TMEM131: variants seen among roughly 807,000 people sequenced by gnomAD.
TMEM131 encodes the protein 2610524E03Rik.
Under a neutral mutation model 211.6 loss-of-function variants are expected in TMEM131, and 66 were observed. The observed-to-expected ratio is 0.31, with a 90% confidence interval of 0.26 to 0.38. The LOEUF (loss-of-function observed/expected upper bound fraction) is 0.38, where lower values mean the gene tolerates loss of function less well. TMEM131 is among the 10% of genes least tolerant of loss of function. The pLI is 1.00. For synonymous variants in TMEM131, 844 were observed against 841.3 expected (o/e 1.00, Z -0.06); for missense variants, 2,036 against 2,299.3 (o/e 0.89, Z 2.34).
intron 19 of TMEM131, among the ~76,000 whole-genome samples, chr2:97,805,996 C>G (rs1681278860): frequency 6.6e-6 from 1 of 152,060 alleles, no homozygotes; most frequent in Non-Finnish European, 1.5e-5. Context: ...ACTGAGGATG[C>G]CAACAAAGGT....
chr2:97,768,654 G>T (rs568240118), intron 33 of TMEM131, among the ~76,000 whole-genome samples: 3 of 151,938 alleles, frequency 2.0e-5, no homozygotes, highest in African/African-American at 7.3e-5. Flanking sequence ...GCAGTGGCAC[G>T]ATCTTGGCTC....
At chr2:97,815,822 A>G (rs949067188) in intron 12 of TMEM131, among the ~76,000 whole-genome samples, 9 of 152,148 alleles carry the variant, frequency 5.9e-5, no homozygotes, top group African/African-American at 1.9e-4. Flanking sequence ...AGCCCTGCTG[A>G]TTTACACTTG....
At chr2:97,777,044 C>G (rs894446931) in intron 31 of TMEM131, among the ~76,000 whole-genome samples, 1 of 152,184 alleles carries the variant, frequency 6.6e-6, no homozygotes, top group African/African-American at 2.4e-5. Flanking sequence ...GAACCAGCCC[C>G]GAACATATTT....
rs1448733378 is a variant in TMEM131, at chr2:97,792,793, C to T, written c.3737G>A (p.Arg1246Lys). The T allele has an allele frequency of 6.2e-7, 1 of 1,613,994 alleles. No homozygotes were observed. The highest frequency in any genetic ancestry group is 1.7e-5 in the Admixed American group (1 of 60,028). ...TGAAGAAGCTGCTTGAGCAGAAGTC[C>T]TACTAGAGGTACTTGAACTGTTTTT... ...RAKNSSSTSS[R>K]TSAQAASSQS... is the part of the protein sequence containing the mutation. Residue 1246 changes from arginine to lysine, a missense_variant, in exon 31 of 41, where the codon AGG becomes AAG. Physicochemically the swap from Arg to Lys is conservative, Grantham distance 26 (BLOSUM62 2). Coordinates refer to ENST00000186436, the MANE Select transcript of TMEM131 (RefSeq NM_015348.2).
intron 34 of TMEM131, 91 bp downstream of exon 34, chr2:97,766,387 G>C: frequency 6.2e-7 from 1 of 1,600,350 alleles, no homozygotes; most frequent in Non-Finnish European, 8.5e-7. Context: ...AATAACTACT[G>C]ACTGCTTACT....
chr2:97,928,804 G>A (rs946481545), intron 1 of TMEM131, among the ~76,000 whole-genome samples: 2 of 151,788 alleles, frequency 1.3e-5, no homozygotes, highest in South Asian at 2.1e-4. Flanking sequence ...ACTGTTGGAA[G>A]AGCAATTTAT....
At chr2:97,928,252 A>G (rs1048326948) in intron 1 of TMEM131, among the ~76,000 whole-genome samples, 11 of 152,340 alleles carry the variant, frequency 7.2e-5, no homozygotes, top group African/African-American at 2.6e-4. Context: ...GTATGCTTCC[A>G]AGTACATGAC....
intron 18 of TMEM131, 107 bp downstream of exon 18, chr2:97,811,021 G>A (rs982426304): frequency 6.2e-6 from 5 of 807,948 alleles, no homozygotes; most frequent in Middle Eastern, 2.3e-4. Flanking sequence ...TATGAAACTG[G>A]TAAACTGTAA....
In TMEM131 at chr2:97,792,461, C is replaced by G. The variant is rs201940321; in HGVS notation, c.4069G>C (p.Asp1357His). 4.1e-4 allele frequency: 663 copies of G among 1,613,422 alleles called. No homozygotes were observed. Among genetic ancestry groups the G allele is most frequent in the Non-Finnish European group, 5.0e-4 (586 of 1,179,748 alleles). Residue 1357 changes from aspartate (D) to histidine (H), a missense_variant, in exon 31 of 41, where the codon GAC (aspartate) becomes CAC (histidine). By Grantham distance (81) the Asp-to-His change is moderately conservative (BLOSUM62 -1). Transcript: ENST00000186436. ...GCTGGGGAGTCATGGTGGTCGAAGT[C>G]TTTGTCCATGGCTTCTATGAGACTG... Reference protein sequence around the residue: ...ITSLIEAMDKDFDHHDSPALE... With the variant: ...ITSLIEAMDKHFDHHDSPALE...
chr2:97,941,664 G>A lies in TMEM131; in HGVS notation c.188-14177C>T, dbSNP rs556309464. 9.2e-5 allele frequency among the ~76,000 whole-genome samples: 14 copies of A among 152,316 alleles called. No individual in the cohort carries two copies. The South Asian group carries it at 2.5e-3, about 27-fold the overall frequency. ...ACAACCCCATCAAAAAGTGGGCGAA[G>A]GATATGAACAGGCACTTCTCAAAAG... On this transcript the variant is annotated intron_variant, in intron 1 of 40. Transcript: ENST00000186436.
At position 97,995,769 on chromosome 2, in the gene TMEM131, C is replaced by G. The variant is rs1680485340; in HGVS notation, c.-107G>C. ...CGGGCTCTGGCCGCGGCGCCGGGAG[C>G]GACAACGGTTGCGAGCCCGGGGCTC... On this transcript the variant is annotated 5_prime_UTR_variant, in exon 1 of 41. Transcript: ENST00000186436. 2 of 875,430 alleles carry G rather than the reference C, an allele frequency of 2.3e-6. No homozygotes were observed. The highest frequency in any genetic ancestry group is 2.9e-6 in the Non-Finnish European group (2 of 695,554). The allele number at this position is 875,430 out of a possible 1,614,324, so 54.2% of individuals were successfully genotyped here.
rs746270505 is a variant in TMEM131, at chr2:97,760,598, T to A, written c.5103A>T (p.Ser1701=). 2 of 1,610,202 alleles carry A rather than the reference T, an allele frequency of 1.2e-6. No individual in the cohort carries two copies. Among genetic ancestry groups the A allele is most frequent in the African/African-American group, 2.7e-5 (2 of 74,886 alleles). ...ISHAPVDSDG[S]DSSGLWSPVS... ...TTAGTGGTGGTCTACCGTACCTGTC[T>A]GAGCCATCGCTGTCAACAGGAGCGT... The change falls in exon 38 of 41, where the codon TCA becomes TCT. Residue 1701 remains serine (S), a synonymous_variant. Coordinates refer to ENST00000186436, the MANE Select transcript of TMEM131 (RefSeq NM_015348.2).
Position 97,921,451 on chromosome 2 carries a change from GAC to G in TMEM131, c.249+5973_249+5974del, listed in dbSNP as rs533049034. The stretch of plus-strand genomic sequence containing the variant: ...CTTGGGATAGAAAAACATTGAACAA[GAC>G]ACAAAATAAAAAAGTATTAACCATA... On this transcript the variant is annotated intron_variant, in intron 2 of 40. Coordinates refer to ENST00000186436, the MANE Select transcript of TMEM131 (RefSeq NM_015348.2). Among the ~76,000 whole-genome samples the G allele has an allele frequency of 4.9e-3, 753 of 152,198 alleles. 15 individuals are homozygous for G. Among genetic ancestry groups the G allele is most frequent in the Non-Finnish European group, 2.1e-3 (145 of 67,988 alleles).
intron 1 of TMEM131, among the ~76,000 whole-genome samples, chr2:97,954,966 A>C (rs569092059): frequency 5.6e-4 from 85 of 152,224 alleles, no homozygotes; most frequent in African/African-American, 1.9e-3. Context: ...ACATTTCCCA[A>C]CTCATCTAAT....
At chr2:97,881,283 G>C (rs1674918682) in intron 4 of TMEM131, among the ~76,000 whole-genome samples, 1 of 151,426 alleles carries the variant, frequency 6.6e-6, no homozygotes, top group Non-Finnish European at 1.5e-5. Flanking sequence ...CTGTTGCCCA[G>C]GCTGGAGTGC....
intron 31 of TMEM131, among the ~76,000 whole-genome samples, chr2:97,783,255 T>A (rs1376382517): frequency 2.6e-5 from 4 of 151,868 alleles, no homozygotes; most frequent in Admixed American, 2.0e-4. Context: ...CATTCTCAGA[T>A]GAAACAAAAC....
intron 31 of TMEM131, 92 bp downstream of exon 31, chr2:97,792,294 T>A: frequency 9.1e-7 from 1 of 1,098,256 alleles, no homozygotes; most frequent in East Asian, 2.7e-5. Flanking sequence ...CTGAATTAGT[T>A]GTTTACCACA....
intron 3 of TMEM131, among the ~76,000 whole-genome samples, chr2:97,896,353 G>GA (rs1462714400): frequency 1.3e-5 from 2 of 152,174 alleles, no homozygotes; most frequent in African/African-American, 4.8e-5. Context: ...TAGGGGTGGA[G>GA]AGTTCTGCAG....
intron 1 of TMEM131, 150 bp downstream of exon 1, chr2:97,995,326 C>G: frequency 1.5e-6 from 1 of 669,124 alleles, no homozygotes; most frequent in Non-Finnish European, 2.1e-6. Context: ...GTGCGGCGGG[C>G]GCCGCGAGGT....
Sources: allele counts gnomAD v4.1 joint callset (sites outside exome capture counted in the v4.1 genomes callset), GRCh38; gene constraint gnomAD v4.1.1; transcripts MANE v1.5; gene names NCBI Gene and HGNC (gene_info 2026-07-23, HGNC 2026-07-21).